The following WWOX variants were observed in gnomAD, a reference collection of about 807,000 sequenced individuals.
WWOX encodes WW domain containing oxidoreductase, also known as WW domain-containing oxidoreductase.
Under a neutral mutation model 46.2 loss-of-function variants are expected in WWOX, and 69 were observed. The observed-to-expected ratio is 1.49, with a 90% CI of 1.23 to 1.82. The LOEUF (loss-of-function observed/expected upper bound fraction) is 1.82, where lower values mean the gene tolerates loss of function less well. WWOX is among the 40% of genes most tolerant of loss of function. The probability of loss-of-function intolerance (pLI) is 0.00; values close to 1 mark genes in which losing one functional copy is unlikely to be tolerated. For missense variants in WWOX, 919 were observed against 542.6 expected, an observed-to-expected ratio of 1.69 and a Z score of -6.89; for synonymous variants, 359 against 202.6, an observed-to-expected ratio of 1.77 and a Z score of -6.56.
At chr16:78,987,440 C>A (rs1334884514) in intron 8 of WWOX, among the ~76,000 whole-genome samples, 1 of 152,156 alleles carries the variant, frequency 6.6e-6, no homozygotes, top group Non-Finnish European at 1.5e-5. Flanking sequence ...GTATTTTGTC[C>A]TTTTTTCTTT....
chr16:79,171,542 T>C (rs1404277823), intron 8 of WWOX, among the ~76,000 whole-genome samples: 1 of 152,176 alleles, frequency 6.6e-6, no homozygotes, highest in African/African-American at 2.4e-5. Flanking sequence ...GAAATAAGAA[T>C]GGTAGCCCCC....
intron 4 of WWOX, among the ~76,000 whole-genome samples, chr16:78,130,769 C>G (rs538494144): frequency 1.3e-5 from 2 of 152,336 alleles, no homozygotes; most frequent in East Asian, 3.9e-4. Context: ...TACTGAGTAC[C>G]AGGTGCTAAG....
chr16:79,077,210 C>T (rs1318842616), intron 8 of WWOX, among the ~76,000 whole-genome samples: 1 of 152,110 alleles, frequency 6.6e-6, no homozygotes, highest in Non-Finnish European at 1.5e-5. Flanking sequence ...GCTTAAAACC[C>T]ATTAGTTTCT....
chr16:78,508,851 T>C (rs1328919822), intron 8 of WWOX, among the ~76,000 whole-genome samples: 1 of 152,218 alleles, frequency 6.6e-6, no homozygotes. Context: ...TCTCTCTCCT[T>C]GGTCTCTGTC....
intron 8 of WWOX, among the ~76,000 whole-genome samples, chr16:78,732,364 G>C (rs1249101245): frequency 6.6e-6 from 1 of 152,246 alleles, no homozygotes; most frequent in Non-Finnish European, 1.5e-5. Context: ...GGAAGACCGT[G>C]AGAGGCCCAA....
At chr16:78,890,660 GC>G (rs1428409754) in intron 8 of WWOX, 1 of 152,186 alleles carries the variant, frequency 6.6e-6, no homozygotes, top group Non-Finnish European at 1.5e-5. Context: ...ATTTTCCACA[GC>G]CAGTCTTTCC....
chr16:79,027,488 A>T (rs2047669409), intron 8 of WWOX, among the ~76,000 whole-genome samples: 1 of 151,744 alleles, frequency 6.6e-6, no homozygotes, highest in African/African-American at 2.4e-5. Context: ...CCAACTGAAT[A>T]AGAACTAATG....
intron 8 of WWOX, among the ~76,000 whole-genome samples, chr16:79,175,852 C>T (rs1234787001): frequency 6.6e-6 from 1 of 152,188 alleles, no homozygotes; most frequent in Non-Finnish European, 1.5e-5. Flanking sequence ...CTCCCCACTC[C>T]CCTAATTACT....
chr16:78,297,502 C>T (rs1239779402), intron 5 of WWOX, among the ~76,000 whole-genome samples: 3 of 152,152 alleles, frequency 2.0e-5, no homozygotes, highest in Non-Finnish European at 4.4e-5. Flanking sequence ...CATTTAGTTT[C>T]TTCCTAAGAG....
intron 8 of WWOX, among the ~76,000 whole-genome samples, chr16:78,524,011 G>A (rs2043404209): frequency 6.6e-6 from 1 of 152,210 alleles, no homozygotes; most frequent in Non-Finnish European, 1.5e-5. Context: ...TTAGGACTCT[G>A]TTTCGTGTGG....
At chr16:78,321,237 C>G (rs917914615) in intron 5 of WWOX, among the ~76,000 whole-genome samples, 2 of 150,704 alleles carry the variant, frequency 1.3e-5, no homozygotes, top group African/African-American at 2.4e-5. Context: ...CTCCACAATT[C>G]TCTTTTGTTT....
chr16:79,078,820 T>A (rs573004148), intron 8 of WWOX, among the ~76,000 whole-genome samples: 1 of 152,332 alleles, frequency 6.6e-6, no homozygotes, highest in African/African-American at 2.4e-5. Context: ...ATGAGACCTA[T>A]CCCTAACGGT....
intron 8 of WWOX, among the ~76,000 whole-genome samples, chr16:78,960,223 T>C (rs1186433355): frequency 1.3e-5 from 2 of 152,228 alleles, no homozygotes; most frequent in Non-Finnish European, 2.9e-5. Context: ...ACACCAAAAA[T>C]GACCTTAATT....
At chr16:78,836,460 G>T (rs1449170455) in intron 8 of WWOX, among the ~76,000 whole-genome samples, 2 of 152,124 alleles carry the variant, frequency 1.3e-5, no homozygotes, top group South Asian at 4.1e-4. Context: ...CCACCTGAAG[G>T]GTGGCATCCA....
intron 8 of WWOX, among the ~76,000 whole-genome samples, chr16:78,586,002 A>T (rs116412443): frequency 6.6e-6 from 1 of 152,084 alleles, no homozygotes; most frequent in Admixed American, 6.6e-5. Context: ...GTTAGAGACC[A>T]GCCTGGGCAA....
At chr16:78,486,775 T>A (rs2084648165) in intron 8 of WWOX, among the ~76,000 whole-genome samples, 1 of 152,186 alleles carries the variant, frequency 6.6e-6, no homozygotes, top group Non-Finnish European at 1.5e-5. Context: ...GGGTTTACTG[T>A]CTTGGCCAGG....
chr16:79,131,961 C>T (rs1322990844), intron 8 of WWOX, among the ~76,000 whole-genome samples: 1 of 152,092 alleles, frequency 6.6e-6, no homozygotes, highest in African/African-American at 2.4e-5. Context: ...TCTCACGAGA[C>T]TTATTCACTA....
chr16:78,424,751 G>A, intron 6 of WWOX, 119 bp from the exon 7 acceptor site: 1 of 1,127,414 alleles, frequency 8.9e-7, no homozygotes, highest in South Asian at 1.2e-5. Flanking sequence ...TCCCGAAGGA[G>A]CATGGATTAT....
intron 8 of WWOX, among the ~76,000 whole-genome samples, chr16:79,027,897 G>A (rs1186632601): frequency 1.3e-5 from 2 of 151,774 alleles, no homozygotes; most frequent in East Asian, 3.9e-4. Flanking sequence ...TAATGTCTCA[G>A]TGTTTGAGTA....
Sources: gnomAD v4.1 joint callset for allele counts (sites outside exome capture counted in the v4.1 genomes callset) on GRCh38, gnomAD v4.1.1 for gene constraint, MANE v1.5 for transcripts, NCBI Gene and HGNC (gene_info 2026-07-23, HGNC 2026-07-21) for gene names.